Variants in RGS12 observed in about 807,000 individuals in gnomAD.
The protein encoded by RGS12 is regulator of G protein signaling 12.
A neutral mutation model predicts 120.1 loss-of-function variants in RGS12; 66 were observed. That is an observed-to-expected ratio of 0.55 (90% CI 0.45 to 0.67). The LOEUF is 0.67. Among genes scored for constraint, RGS12 ranks in the 30% least tolerant of loss-of-function variants. RGS12 has a pLI of 0.00. For synonymous variants in RGS12, 827 were observed against 804.7 expected (o/e 1.03, Z -0.47); for missense variants, 1,859 against 1,957.7 (o/e 0.95, Z 0.95).
At chr4:3,417,252 G>A in intron 8 of RGS12, 136 bp from the exon 9 acceptor site, 4 of 1,305,068 alleles carry the variant, frequency 3.1e-6, no homozygotes, top group East Asian at 2.6e-5. Flanking sequence ...TCCTGTCAGG[G>A]CCACACCATG....
intron 6 of RGS12, among the ~76,000 whole-genome samples, chr4:3,415,273 A>G (rs1359005285): frequency 6.6e-6 from 1 of 152,122 alleles, no homozygotes; most frequent in Non-Finnish European, 1.5e-5. Flanking sequence ...GCAGTTGGAA[A>G]GTGGATGATA....
Position 3,300,372 on chromosome 4 carries a change from G to A in RGS12, c.-102+7273G>A, listed in dbSNP as rs374865359. On this transcript the variant is annotated intron_variant, in intron 1 of 17. Coordinates refer to ENST00000336727, the MANE Select transcript of RGS12 (RefSeq NM_001394154.1). ...CAGGGGCCTGGAGTCCAGCCTGGGA[G>A]TTAGTAGACAATCGTGTGGAAGAGG... Among the ~76,000 whole-genome samples the A allele has an allele frequency of 3.3e-5, 5 of 152,214 alleles. No individual in the cohort carries two copies. In the East Asian group the frequency reaches 7.7e-4, roughly 23 times the overall value.
intron 17 of RGS12, among the ~76,000 whole-genome samples, chr4:3,438,615 A>G (rs904944927): frequency 2.0e-5 from 3 of 152,038 alleles, no homozygotes; most frequent in Non-Finnish European, 4.4e-5. Context: ...CATAGACACA[A>G]CTGTGTCTTC....
chr4:3,289,785 T>G (rs1233393610), upstream of RGS12, among the ~76,000 whole-genome samples: 2 of 152,196 alleles, frequency 1.3e-5, no homozygotes, highest in Non-Finnish European at 2.9e-5. Context: ...TAGCTGAAAC[T>G]TTGTGCCCTT....
chr4:3,358,110 A>C (rs538681047), intron 3 of RGS12, among the ~76,000 whole-genome samples: 55 of 152,176 alleles, frequency 3.6e-4, no homozygotes, highest in African/African-American at 1.3e-3. Flanking sequence ...ACTATTGTTA[A>C]TGTAATTGTT....
intron 2 of RGS12, among the ~76,000 whole-genome samples, chr4:3,337,288 C>A (rs1712581588): frequency 1.3e-5 from 2 of 152,164 alleles, no homozygotes; most frequent in Non-Finnish European, 2.9e-5. Context: ...AGTGCCGCAC[C>A]CACCATGGGA....
intron 3 of RGS12, among the ~76,000 whole-genome samples, chr4:3,346,421 C>CG (rs1713797960): frequency 6.6e-6 from 1 of 152,088 alleles, no homozygotes; most frequent in Admixed American, 6.5e-5. Flanking sequence ...AGAAGCTGCC[C>CG]ACAGCATGAA....
At chr4:3,432,721 C>G (rs1205478092) in intron 17 of RGS12, among the ~76,000 whole-genome samples, 1 of 152,254 alleles carries the variant, frequency 6.6e-6, no homozygotes, top group Non-Finnish European at 1.5e-5. Context: ...GCTGCCCCGA[C>G]TGCCACTGGC....
At chr4:3,377,443 C>T (rs1717816759) in intron 3 of RGS12, among the ~76,000 whole-genome samples, 1 of 152,106 alleles carries the variant, frequency 6.6e-6, no homozygotes, top group Non-Finnish European at 1.5e-5. Flanking sequence ...CATTTGAGCA[C>T]CTTGCAGGCC....
chr4:3,422,851 G>C, intron 11 of RGS12, 54 bp from the exon 12 acceptor site: 1 of 1,517,882 alleles, frequency 6.6e-7, no homozygotes, highest in Non-Finnish European at 9.1e-7. Context: ...GTGGGTCTGC[G>C]TTTGGGGGGC....
chr4:3,436,501 A>T (rs776362352), intron 17 of RGS12, among the ~76,000 whole-genome samples: 4 of 152,152 alleles, frequency 2.6e-5, no homozygotes, highest in South Asian at 2.1e-4. Context: ...CTCGGGGGGC[A>T]GGAAGGGCGG....
chr4:3,354,643 A>G (rs1714691376), intron 3 of RGS12, among the ~76,000 whole-genome samples: 1 of 152,214 alleles, frequency 6.6e-6, no homozygotes. Flanking sequence ...TTGCAAAATA[A>G]TCCAGAGTTC....
intron 4 of RGS12, among the ~76,000 whole-genome samples, chr4:3,404,818 T>C (rs1720941302): frequency 6.6e-6 from 1 of 152,258 alleles, no homozygotes; most frequent in Admixed American, 6.5e-5. Flanking sequence ...TATACCTCTT[T>C]TCTGTAGAGG....
intron 2 of RGS12, among the ~76,000 whole-genome samples, chr4:3,333,381 T>C (rs1405004475): frequency 6.6e-6 from 1 of 152,006 alleles, no homozygotes; most frequent in Non-Finnish European, 1.5e-5. Context: ...AGTGATCCTC[T>C]CCCGCCTTGG....
intron 4 of RGS12, among the ~76,000 whole-genome samples, chr4:3,402,054 C>T (rs1720644239): frequency 6.6e-6 from 1 of 152,246 alleles, no homozygotes; most frequent in African/African-American, 2.4e-5. Context: ...CGCTGCCTAC[C>T]TCCCTGGGCC....
At chr4:3,386,475 T>A (rs1437582497) in intron 4 of RGS12, 38 bp downstream of exon 4, 3 of 1,567,078 alleles carry the variant, frequency 1.9e-6, no homozygotes, top group Non-Finnish European at 2.6e-6. Context: ...TTTTTATTTT[T>A]CATAAAGTTT....
At position 3,316,158 on chromosome 4, in the gene RGS12, G is replaced by A. The variant is rs1724722548; in HGVS notation, c.-13G>A. 1 of 1,528,958 alleles carries A rather than the reference G, an allele frequency of 6.5e-7. No homozygotes were observed. The highest frequency in any genetic ancestry group is 1.3e-5 in the South Asian group (1 of 76,010). 94.7% of individuals were successfully genotyped at this position (1,528,958 alleles called of 1,614,324 possible). ...ACAATGAGACGTGCTCTTGGTCTTG[G>A]AAGCTCATCAGAATGTTTAGAGCTG... On this transcript the variant is annotated 5_prime_UTR_variant, in exon 2 of 18. Coordinates refer to ENST00000336727, the MANE Select transcript of RGS12 (RefSeq NM_001394154.1).
chr4:3,398,889 C>G (rs895385954), intron 4 of RGS12, among the ~76,000 whole-genome samples: 5 of 152,086 alleles, frequency 3.3e-5, no homozygotes, highest in African/African-American at 1.2e-4. Context: ...ATACAATATG[C>G]CACACATGCA....
intron 6 of RGS12, among the ~76,000 whole-genome samples, chr4:3,415,768 C>T (rs1722324280): frequency 6.6e-6 from 1 of 152,238 alleles, no homozygotes; most frequent in South Asian, 2.1e-4. Context: ...GTCTTTGGGA[C>T]ACTTTAAGTA....
Sources: gnomAD v4.1 joint callset for allele counts (sites outside exome capture counted in the v4.1 genomes callset) on GRCh38, gnomAD v4.1.1 for gene constraint, MANE v1.5 for transcripts, NCBI Gene and HGNC (gene_info 2026-07-23, HGNC 2026-07-21) for gene names.